Variants in TTC7B observed in about 807,000 individuals in gnomAD.
The protein encoded by TTC7B is tetratricopeptide repeat domain 7B.
In TTC7B, 28 loss-of-function variants were observed where a neutral mutation model predicts 106.8. The observed-to-expected ratio is 0.26, with a 90% CI of 0.19 to 0.36. The LOEUF is 0.36. TTC7B is among the 10% of genes least tolerant of loss of function. The pLI is 1.00. For synonymous variants in TTC7B, 405 were observed against 430.6 expected, an observed-to-expected ratio of 0.94 and a Z score of 0.74; for missense variants, 862 against 1,076.4, an observed-to-expected ratio of 0.80 and a Z score of 2.79.
chr14:90,646,798 G>A (rs1178178524), intron 14 of TTC7B, 153 bp downstream of exon 14: 4 of 700,442 alleles, frequency 5.7e-6, no homozygotes. Context: ...CAAAACACCA[G>A]GCTCTTTGCT....
intron 19 of TTC7B, among the ~76,000 whole-genome samples, chr14:90,571,838 G>A (rs112038902): frequency 6.6e-6 from 1 of 152,182 alleles, no homozygotes; most frequent in African/African-American, 2.4e-5. Flanking sequence ...GTGCCAATGC[G>A]TGAGCCTGTC....
intron 4 of TTC7B, among the ~76,000 whole-genome samples, chr14:90,738,088 A>C (rs959275733): frequency 1.3e-5 from 2 of 152,228 alleles, no homozygotes; most frequent in Non-Finnish European, 2.9e-5. Context: ...TTGTATGGTA[A>C]CAGTAATGCT....
intron 7 of TTC7B, 147 bp downstream of exon 7, chr14:90,689,393 G>T: frequency 1.5e-6 from 1 of 673,224 alleles, no homozygotes. Context: ...AAGTAATGAG[G>T]AATCTCTACT....
At chr14:90,690,922 C>A (rs933841436) in intron 6 of TTC7B, among the ~76,000 whole-genome samples, 9 of 152,132 alleles carry the variant, frequency 5.9e-5, no homozygotes, top group Non-Finnish European at 5.9e-5. Flanking sequence ...CTTGATTATT[C>A]CCAAGTAAGA....
At position 90,577,121 on chromosome 14, in the gene TTC7B, C is replaced by A. The variant is rs61380129; in HGVS notation, c.2310+985G>T. Among the ~76,000 whole-genome samples, 690 of 152,312 alleles carry A rather than the reference C, an allele frequency of 4.5e-3. 10 individuals carry two copies. The highest frequency in any genetic ancestry group is 0.015 in the African/African-American group (639 of 41,564). On this transcript the variant is annotated intron_variant, in intron 19 of 19. Transcript: ENST00000328459. This position sits in a 1 kb window ranked among gnomAD's most constrained non-coding sequence, Gnocchi z 5.0. The stretch of plus-strand genomic sequence containing the variant: ...CCTCCACGGGTGCGGACACGAAGGG[C>A]CCTGAGCTTTATAATAAAAGGCTCT...
At chr14:90,806,486 G>A (rs74085569) in intron 1 of TTC7B, among the ~76,000 whole-genome samples, 1,691 of 152,274 alleles carry the variant, frequency 0.011, 36 homozygotes, top group African/African-American at 0.039. Flanking sequence ...CAAAGAAACC[G>A]AGCATCTGAA....
intron 19 of TTC7B, chr14:90,567,390 A>T (rs926678355): frequency 6.6e-6 from 1 of 152,278 alleles, no homozygotes; most frequent in African/African-American, 2.4e-5. Context: ...AGAGACACAA[A>T]GACTTCTTTC....
Position 90,537,447 on chromosome 14 carries a change from T to G in TTC7B, c.*3921A>C, listed in dbSNP as rs1889447397. On this transcript the variant is annotated 3_prime_UTR_variant, in exon 20 of 20. Transcript: ENST00000328459. ...CTCAGCTGATTCTCCTGCCTCAGCC[T>G]CCCTAAGTGCTGGGATTACAGGCAG... is the stretch of plus-strand genomic sequence containing the variant. 6.6e-6 allele frequency: 1 copy of G among 150,758 alleles called. No individual in the cohort carries two copies. The highest frequency in any genetic ancestry group is 1.5e-5 in the Non-Finnish European group (1 of 68,002). The allele number at this position is 150,758 out of a possible 1,614,324, so 9.3% of individuals were successfully genotyped here. A position where few individuals can be genotyped will look rare whatever the true frequency, so the allele number is the denominator to read the frequency against.
At chr14:90,694,692 T>C (rs569013513) in intron 6 of TTC7B, among the ~76,000 whole-genome samples, 44 of 142,646 alleles carry the variant, frequency 3.1e-4, no homozygotes, top group African/African-American at 1.1e-3. Flanking sequence ...TATTTTATTA[T>C]AAAATATATT....
chr14:90,687,907 G>A (rs1195450396), intron 7 of TTC7B, among the ~76,000 whole-genome samples: 1 of 152,190 alleles, frequency 6.6e-6, no homozygotes, highest in Non-Finnish European at 1.5e-5. Flanking sequence ...AGAAATGCAA[G>A]GGTCAACTTA....
intron 17 of TTC7B, among the ~76,000 whole-genome samples, chr14:90,604,968 G>C (rs1187289091): frequency 6.6e-6 from 1 of 152,178 alleles, no homozygotes; most frequent in African/African-American, 2.4e-5. Flanking sequence ...ACAGTTTACA[G>C]CACTGTTTCT....
At chr14:90,611,442 G>T (rs1223070410) in intron 16 of TTC7B, among the ~76,000 whole-genome samples, 1 of 152,184 alleles carries the variant, frequency 6.6e-6, no homozygotes, top group Admixed American at 6.5e-5. Flanking sequence ...TTCTGAGTGT[G>T]ATCACAGTCA....
At chr14:90,594,425 C>G (rs1792177234) in intron 17 of TTC7B, among the ~76,000 whole-genome samples, 1 of 152,154 alleles carries the variant, frequency 6.6e-6, no homozygotes, top group South Asian at 2.1e-4. Context: ...ACGTTGACCT[C>G]TCGGAGGATC....
At chr14:90,798,199 G>A (rs2029998681) in intron 1 of TTC7B, among the ~76,000 whole-genome samples, 1 of 152,168 alleles carries the variant, frequency 6.6e-6, no homozygotes, top group South Asian at 2.1e-4. Flanking sequence ...GAGCTGTCTA[G>A]GCAAGACTCC....
intron 5 of TTC7B, among the ~76,000 whole-genome samples, chr14:90,711,512 C>T (rs913628219): frequency 4.6e-5 from 7 of 152,212 alleles, no homozygotes; most frequent in Non-Finnish European, 1.0e-4. Context: ...ACCTCTGCCT[C>T]GCTGGTTCAA....
intron 15 of TTC7B, among the ~76,000 whole-genome samples, chr14:90,630,854 A>C (rs1361689347): frequency 8.0e-6 from 1 of 124,430 alleles, no homozygotes; most frequent in Non-Finnish European, 1.6e-5. Flanking sequence ...TTTTTTTTTG[A>C]GATGGAGTCT....
chr14:90,756,363 T>C (rs1890293346), intron 3 of TTC7B, among the ~76,000 whole-genome samples: 2 of 144,034 alleles, frequency 1.4e-5, no homozygotes, highest in South Asian at 4.4e-4. Flanking sequence ...TGTTTTATTT[T>C]ATTTTCTTCT....
intron 16 of TTC7B, among the ~76,000 whole-genome samples, chr14:90,617,434 G>A (rs961786540): frequency 3.7e-4 from 56 of 152,302 alleles, no homozygotes; most frequent in African/African-American, 1.3e-3. Flanking sequence ...TCTTTGACAT[G>A]TGTTTGATAG....
At chr14:90,558,683 G>T (rs1020982181) in intron 19 of TTC7B, among the ~76,000 whole-genome samples, 1 of 152,240 alleles carries the variant, frequency 6.6e-6, no homozygotes, top group Admixed American at 6.5e-5. Context: ...AAAGGGCGGG[G>T]TCTCCCCGGC....
Sources: allele counts gnomAD v4.1 joint callset (sites outside exome capture counted in the v4.1 genomes callset), GRCh38; gene constraint gnomAD v4.1.1; non-coding constraint Gnocchi (gnomAD v3.1); transcripts MANE v1.5; gene names NCBI Gene and HGNC (gene_info 2026-07-23, HGNC 2026-07-21).